Variants in FTO observed in about 807,000 individuals in gnomAD.
FTO encodes the protein FTO alpha-ketoglutarate dependent dioxygenase, also known as alpha-ketoglutarate-dependent dioxygenase FTO.
In FTO, 47 loss-of-function variants were observed where a neutral mutation model predicts 63.9. The ratio of observed to expected loss-of-function variants is 0.74; its 90% confidence interval spans 0.58 to 0.94. The LOEUF is 0.94. FTO is among the 40% of genes least tolerant of loss of function. The pLI is 0.00. For synonymous variants in FTO, 207 were observed against 224.4 expected, an observed-to-expected ratio of 0.92 and a Z score of 0.69; for missense variants, 562 against 618.1, an observed-to-expected ratio of 0.91 and a Z score of 0.96.
chr16:54,079,333 A>G (rs1246487247), intron 8 of FTO, among the ~76,000 whole-genome samples: 3 of 152,190 alleles, frequency 2.0e-5, no homozygotes, highest in African/African-American at 7.2e-5. Context: ...AGCTTTATGA[A>G]CTGGCATCGT....
At chr16:53,911,261 A>G (rs2081693561) in intron 7 of FTO, 1 of 640,762 alleles carries the variant, frequency 1.6e-6, no homozygotes, top group East Asian at 2.7e-5. Flanking sequence ...ATGTAGTTTC[A>G]AGAGTAAAGG....
chr16:54,046,118 A>G (rs200646451), intron 8 of FTO, among the ~76,000 whole-genome samples: 1 of 93,804 alleles, frequency 1.1e-5, no homozygotes, highest in African/African-American at 8.3e-5. Flanking sequence ...AGGGCAATCA[A>G]GCAGGAGAAG....
chr16:53,841,406 A>G, intron 3 of FTO, among the ~76,000 whole-genome samples: 1 of 152,306 alleles, frequency 6.6e-6, no homozygotes, highest in Admixed American at 6.5e-5. Context: ...ACTGGAGAAA[A>G]CATGTATTAG....
intron 1 of FTO, among the ~76,000 whole-genome samples, chr16:53,777,310 GGCTT>G (rs1471333749): frequency 6.6e-6 from 1 of 152,006 alleles, no homozygotes; most frequent in Non-Finnish European, 1.5e-5. Flanking sequence ...ATCTGTACCT[GGCTT>G]ATTTCACTTA....
intron 1 of FTO, among the ~76,000 whole-genome samples, chr16:53,760,029 C>T (rs1408905873): frequency 6.6e-6 from 1 of 152,130 alleles, no homozygotes; most frequent in Non-Finnish European, 1.5e-5. Flanking sequence ...AACCTCTGCT[C>T]TTGACTTCCA....
chr16:53,932,372 C>T (rs1462321154), intron 7 of FTO, among the ~76,000 whole-genome samples: 3 of 151,296 alleles, frequency 2.0e-5, no homozygotes, highest in Non-Finnish European at 4.4e-5. Flanking sequence ...TTGATAGCAA[C>T]AGAAACAGAT....
intron 1 of FTO, among the ~76,000 whole-genome samples, chr16:53,802,469 C>G (rs754514797): frequency 3.9e-5 from 6 of 152,056 alleles, no homozygotes; most frequent in Non-Finnish European, 5.9e-5. Context: ...TTTTGTCTGA[C>G]TGCTTTTAAG....
intron 1 of FTO, among the ~76,000 whole-genome samples, chr16:53,706,833 A>G (rs1250421645): frequency 1.3e-5 from 2 of 151,992 alleles, no homozygotes; most frequent in African/African-American, 2.4e-5. Flanking sequence ...GGACATTAGG[A>G]TTGTTTCTGG....
chr16:53,884,876 G>T (rs2080957245), intron 6 of FTO, among the ~76,000 whole-genome samples: 1 of 152,192 alleles, frequency 6.6e-6, no homozygotes, highest in Non-Finnish European at 1.5e-5. Flanking sequence ...AGCTCCTGCA[G>T]GTTGTTTCCC....
intron 1 of FTO, chr16:53,711,438 C>T (rs2075774724): frequency 2.5e-6 from 1 of 398,584 alleles, no homozygotes; most frequent in African/African-American, 2.1e-5. Flanking sequence ...ATGGAACTGG[C>T]TGGCTGTCCA....
At chr16:53,844,130 T>G in intron 3 of FTO, 25 bp from the exon 4 acceptor site, 1 of 1,605,604 alleles carries the variant, frequency 6.2e-7, no homozygotes, top group Non-Finnish European at 8.5e-7. Context: ...ATTTCCTTTC[T>G]GATCATTTTC....
chr16:53,970,501 G>T (rs1453398626), intron 8 of FTO, among the ~76,000 whole-genome samples: 4 of 149,146 alleles, frequency 2.7e-5, no homozygotes, highest in Non-Finnish European at 5.9e-5. Context: ...GAGGCAGGGA[G>T]AATTGCTTGA....
chr16:53,845,720 G>A (rs1468058982), intron 4 of FTO, among the ~76,000 whole-genome samples: 1 of 152,152 alleles, frequency 6.6e-6, no homozygotes, highest in African/African-American at 2.4e-5. Flanking sequence ...CTGAGTCTGA[G>A]TCCTATTCTG....
chr16:53,810,413 A>G (rs956711560), intron 2 of FTO, among the ~76,000 whole-genome samples, 196 bp downstream of exon 2: 2 of 152,226 alleles, frequency 1.3e-5, no homozygotes, highest in African/African-American at 4.8e-5. Context: ...ATGCTTTAGC[A>G]TAGTGACTGT....
intron 7 of FTO, among the ~76,000 whole-genome samples, chr16:53,905,805 A>G (rs2081522630): frequency 6.6e-6 from 1 of 152,260 alleles, no homozygotes; most frequent in East Asian, 1.9e-4. Context: ...CACAACACAT[A>G]TTGGATGAAC....
At chr16:53,854,113 A>C (rs1174688721) in intron 4 of FTO, among the ~76,000 whole-genome samples, 1 of 151,996 alleles carries the variant, frequency 6.6e-6, no homozygotes, top group Non-Finnish European at 1.5e-5. Context: ...GGCCATTTGT[A>C]TATTTTCTTT....
At chr16:53,901,960 T>C (rs973278120) in intron 7 of FTO, among the ~76,000 whole-genome samples, 26 of 152,152 alleles carry the variant, frequency 1.7e-4, no homozygotes, top group Admixed American at 1.2e-3. Context: ...GATAGTGACA[T>C]AGAGAAATGA....
intron 8 of FTO, among the ~76,000 whole-genome samples, chr16:54,028,718 C>G (rs141371791): frequency 6.6e-6 from 1 of 151,918 alleles, no homozygotes; most frequent in Non-Finnish European, 1.5e-5. Flanking sequence ...ATTGTATACA[C>G]TATATACAGT....
Position 54,106,717 on chromosome 16 carries a change from T to G in FTO, c.1365-5045T>G, listed in dbSNP as rs1364923550. On this transcript the variant is annotated intron_variant, in intron 8 of 8. Coordinates refer to ENST00000471389, the MANE Select transcript of FTO (RefSeq NM_001080432.3). ...TAATTGTTACAATTGTATGTAATAG[T>G]TATATAATTATATATTAAATATATA... 3.7e-5 allele frequency among the ~76,000 whole-genome samples: 5 copies of G among 135,914 alleles called. No individual in the cohort carries two copies. The South Asian group carries it at 8.9e-4, about 24-fold the overall frequency. The allele number at this position is 135,914 out of a possible 152,430, so 89.2% of individuals were successfully genotyped here. A position where few individuals can be genotyped will look rare whatever the true frequency, so the allele number is the denominator to read the frequency against.
Sources: gnomAD v4.1 joint callset for allele counts (sites outside exome capture counted in the v4.1 genomes callset) on GRCh38, gnomAD v4.1.1 for gene constraint, MANE v1.5 for transcripts, NCBI Gene and HGNC (gene_info 2026-07-23, HGNC 2026-07-21) for gene names.